NKAIN3: variants seen among roughly 807,000 people sequenced by gnomAD.
NKAIN3 encodes the protein sodium/potassium-transporting ATPase subunit beta-1-interacting protein 3.
Under a neutral mutation model 30.2 loss-of-function variants are expected in NKAIN3, and 25 were observed. The observed-to-expected ratio is 0.83, with a 90% CI of 0.60 to 1.16. The LOEUF (loss-of-function observed/expected upper bound fraction) is 1.16. NKAIN3 is among the 50% of genes most tolerant of loss of function. The pLI is 0.00. For missense variants in NKAIN3, 225 were observed against 254.1 expected (o/e 0.89, Z 0.78); for synonymous variants, 91 against 89.6 (o/e 1.02, Z -0.09).
Position 62,966,106 on chromosome 8 carries a change from A to G in NKAIN3, c.*699A>G. 1 of 985,028 alleles carries G rather than the reference A, an allele frequency of 1.0e-6. No homozygotes were observed. The highest frequency in any genetic ancestry group is 1.2e-6 in the Non-Finnish European group (1 of 829,606). 61.0% of individuals were successfully genotyped at this position (985,028 alleles called of 1,614,324 possible). On this transcript the variant is annotated 3_prime_UTR_variant, in exon 7 of 7. Coordinates refer to ENST00000623646, the MANE Select transcript of NKAIN3 (RefSeq NM_001304533.3). Reference sequence around the variant, plus strand: ...AGAACCCCTTTCCCCTTTGGAGGGAATATGGGTGTCTCTGAGGTCCATATT... The same window carrying G: ...AGAACCCCTTTCCCCTTTGGAGGGAGTATGGGTGTCTCTGAGGTCCATATT...
chr8:62,348,025 TG>T (rs139313689), intron 1 of NKAIN3, among the ~76,000 whole-genome samples: 58,906 of 151,714 alleles, frequency 0.39, 12,513 homozygotes, highest in Non-Finnish European at 0.49. Context: ...TATTTTTTAT[TG>T]TTTTTTTATT....
At chr8:62,484,342 G>C (rs1424392873) in intron 1 of NKAIN3, among the ~76,000 whole-genome samples, 1 of 152,154 alleles carries the variant, frequency 6.6e-6, no homozygotes, top group Non-Finnish European at 1.5e-5. Context: ...CATCCACTAG[G>C]TAAGTATCTA....
At chr8:62,377,241 T>C (rs1817116991) in intron 1 of NKAIN3, among the ~76,000 whole-genome samples, 1 of 152,212 alleles carries the variant, frequency 6.6e-6, no homozygotes, top group African/African-American at 2.4e-5. Context: ...TGTTTCTTTG[T>C]ATCTACTACA....
intron 4 of NKAIN3, among the ~76,000 whole-genome samples, chr8:62,851,547 G>A (rs1002362022): frequency 1.3e-5 from 2 of 152,128 alleles, no homozygotes; most frequent in Admixed American, 6.5e-5. Context: ...TTTTCAAAGG[G>A]AATGCTTCCA....
intron 1 of NKAIN3, among the ~76,000 whole-genome samples, chr8:62,339,872 A>G (rs1195818674): frequency 6.6e-6 from 1 of 152,052 alleles, no homozygotes; most frequent in Non-Finnish European, 1.5e-5. Context: ...ATGGTAAGGA[A>G]GACTTTATTC....
intron 3 of NKAIN3, among the ~76,000 whole-genome samples, chr8:62,633,831 C>G (rs1812040465): frequency 6.6e-6 from 1 of 152,114 alleles, no homozygotes; most frequent in Non-Finnish European, 1.5e-5. Context: ...ATGAAGAAGG[C>G]AGCCATTCCT....
intron 1 of NKAIN3, among the ~76,000 whole-genome samples, chr8:62,476,979 T>C (rs1231837744): frequency 6.6e-6 from 1 of 151,990 alleles, no homozygotes; most frequent in African/African-American, 2.4e-5. Context: ...TGGAAAGATA[T>C]GCGGTTTGAC....
At chr8:62,582,660 C>G (rs1459928942) in intron 2 of NKAIN3, among the ~76,000 whole-genome samples, 4 of 152,132 alleles carry the variant, frequency 2.6e-5, no homozygotes, top group African/African-American at 9.7e-5. Context: ...CAGAGCAGTT[C>G]TGATTTACTC....
intron 1 of NKAIN3, among the ~76,000 whole-genome samples, chr8:62,497,401 G>A (rs577076196): frequency 6.6e-6 from 1 of 150,684 alleles, no homozygotes; most frequent in South Asian, 2.1e-4. Context: ...GGAACATGAT[G>A]TATGTGGACG....
At chr8:62,829,021 G>A (rs917394677) in intron 4 of NKAIN3, among the ~76,000 whole-genome samples, 5 of 152,104 alleles carry the variant, frequency 3.3e-5, no homozygotes, top group Admixed American at 1.3e-4. Context: ...AATCACTGGG[G>A]TTGTTTCAAG....
At chr8:62,290,196 A>G (rs1038387208) in intron 1 of NKAIN3, among the ~76,000 whole-genome samples, 1 of 152,196 alleles carries the variant, frequency 6.6e-6, no homozygotes, top group African/African-American at 2.4e-5. Flanking sequence ...AAGCAGGGAC[A>G]ATTTGACTTC....
intron 1 of NKAIN3, among the ~76,000 whole-genome samples, chr8:62,441,872 T>G: frequency 6.6e-6 from 1 of 152,096 alleles, no homozygotes; most frequent in Non-Finnish European, 1.5e-5. Flanking sequence ...TGTGGGGTTT[T>G]GATAAATTCT....
At chr8:62,277,818 T>C (rs978228541) in intron 1 of NKAIN3, among the ~76,000 whole-genome samples, 2 of 152,136 alleles carry the variant, frequency 1.3e-5, no homozygotes, top group Admixed American at 6.6e-5. Context: ...GAATATACTC[T>C]TTTGAGGGTA....
intron 1 of NKAIN3, among the ~76,000 whole-genome samples, chr8:62,370,635 T>C (rs1816878729): frequency 6.6e-6 from 1 of 152,040 alleles, no homozygotes; most frequent in South Asian, 2.1e-4. Flanking sequence ...GTAACTGGCC[T>C]AGTATCTGTT....
intron 1 of NKAIN3, among the ~76,000 whole-genome samples, chr8:62,499,253 T>C (rs986255795): frequency 6.6e-6 from 1 of 152,138 alleles, no homozygotes; most frequent in Non-Finnish European, 1.5e-5. Context: ...ACTCTGGAGA[T>C]AGTAACTGTA....
At chr8:62,587,687 C>T (rs57867282) in intron 2 of NKAIN3, among the ~76,000 whole-genome samples, 3,107 of 152,046 alleles carry the variant, frequency 0.02, 119 homozygotes, top group African/African-American at 0.072. Context: ...ACCTCGGTTT[C>T]AGTGTGATGA....
chr8:62,299,060 T>C (rs1346163061), intron 1 of NKAIN3, among the ~76,000 whole-genome samples: 1 of 152,030 alleles, frequency 6.6e-6, no homozygotes, highest in Non-Finnish European at 1.5e-5. Context: ...AAGATAATGT[T>C]TTCCCTGTAT....
At chr8:62,505,941 C>T (rs1421958581) in intron 1 of NKAIN3, among the ~76,000 whole-genome samples, 1 of 152,016 alleles carries the variant, frequency 6.6e-6, no homozygotes, top group African/African-American at 2.4e-5. Flanking sequence ...TGTTTCCCTT[C>T]TTTTTTTAGC....
chr8:62,846,405 C>A (rs565085419), intron 4 of NKAIN3, among the ~76,000 whole-genome samples: 1 of 152,150 alleles, frequency 6.6e-6, no homozygotes, highest in African/African-American at 2.4e-5. Context: ...TGATGGTTTA[C>A]TGTACAGATT....
Sources: gnomAD v4.1 joint callset for allele counts (sites outside exome capture counted in the v4.1 genomes callset) on GRCh38, gnomAD v4.1.1 for gene constraint, MANE v1.5 for transcripts, NCBI Gene and HGNC (gene_info 2026-07-23, HGNC 2026-07-21) for gene names.